KCNK2: variants seen among roughly 807,000 people sequenced by gnomAD.
The protein encoded by KCNK2 is potassium two pore domain channel subfamily K member 2, also known as potassium channel subfamily K member 2.
A neutral mutation model predicts 40.5 loss-of-function variants in KCNK2; 21 were observed. The ratio of observed to expected loss-of-function variants is 0.52; its 90% CI spans 0.37 to 0.75. The LOEUF (loss-of-function observed/expected upper bound fraction) is 0.75. Among genes scored for constraint, KCNK2 ranks in the 30% least tolerant of loss-of-function variants. KCNK2 has a pLI of 0.00. For missense variants in KCNK2, 399 were observed against 531.6 expected, an observed-to-expected ratio of 0.75 and a Z score of 2.45; for synonymous variants, 191 against 202.2, an observed-to-expected ratio of 0.94 and a Z score of 0.47.
intron 2 of KCNK2, among the ~76,000 whole-genome samples, chr1:215,118,978 C>T (rs761215880): frequency 2.0e-5 from 3 of 152,074 alleles, no homozygotes; most frequent in Non-Finnish European, 4.4e-5. Flanking sequence ...TTTTGATGAA[C>T]ATAAACATCT....
At chr1:215,150,197 C>A (rs1388405056) in intron 3 of KCNK2, among the ~76,000 whole-genome samples, 1 of 152,058 alleles carries the variant, frequency 6.6e-6, no homozygotes, top group Non-Finnish European at 1.5e-5. Context: ...CAAAATAATT[C>A]TTAGGCATGA....
chr1:215,042,453 A>G (rs1657603169), intron 1 of KCNK2, among the ~76,000 whole-genome samples: 1 of 152,160 alleles, frequency 6.6e-6, no homozygotes, highest in Non-Finnish European at 1.5e-5. Flanking sequence ...GTCAGTGATA[A>G]AGTCTGCCTG....
intron 6 of KCNK2, among the ~76,000 whole-genome samples, chr1:215,209,453 T>TTATATATTATACATAA (rs1665505535): frequency 8.4e-5 from 1 of 11,898 alleles, no homozygotes; most frequent in African/African-American, 3.2e-4. Flanking sequence ...ATAATATATA[T>TTATATATTATACATAA]TATATATTAT....
chr1:215,187,232 A>C (rs995205629), intron 5 of KCNK2, among the ~76,000 whole-genome samples: 2 of 152,158 alleles, frequency 1.3e-5, no homozygotes, highest in Non-Finnish European at 2.9e-5. Context: ...GGCTGCCCAA[A>C]TTGCTGGGAT....
At position 215,053,130 on chromosome 1, in the gene KCNK2, G is replaced by A. The variant is rs143192689; in HGVS notation, c.35-33238G>A. ...AAGTTCCAGGATATATGTGCAGGACGTGCAGGTTAGTTCAGCCATTTAACG... is the reference window on the plus strand; with the variant it reads ...AAGTTCCAGGATATATGTGCAGGACATGCAGGTTAGTTCAGCCATTTAACG... On this transcript the variant is annotated intron_variant, in intron 1 of 6. Coordinates refer to the KCNK2 transcript ENST00000391895. Among the ~76,000 whole-genome samples, 1,502 of 152,126 alleles carry A rather than the reference G, an allele frequency of 9.9e-3. 22 individuals are homozygous for A. Among genetic ancestry groups the A allele is most frequent in the African/African-American group, 0.033 (1,361 of 41,476 alleles).
Position 215,236,938 on chromosome 1 carries a change from A to G in KCNK2, c.*1793A>G, listed in dbSNP as rs1666922407. ...GTTAAAAGTACTTTTATAAAGTTAA[A>G]AAAAATCCAACCAAAATTTTAGAAA... On this transcript the variant is annotated 3_prime_UTR_variant, in exon 7 of 7. Transcript: ENST00000444842. 1 of 152,628 alleles carries G rather than the reference A, an allele frequency of 6.6e-6. No individual in the cohort carries two copies. The highest frequency in any genetic ancestry group is 2.1e-4 in the South Asian group (1 of 4,828). 9.5% of individuals were successfully genotyped at this position (152,628 alleles called of 1,614,324 possible).
chr1:215,130,150 G>C (rs1661603878), intron 3 of KCNK2, among the ~76,000 whole-genome samples: 1 of 152,140 alleles, frequency 6.6e-6, no homozygotes, highest in Non-Finnish European at 1.5e-5. Context: ...ACTCTGGGGA[G>C]GGAAGAATGG....
chr1:215,088,287 C>T (rs544515847), intron 2 of KCNK2, among the ~76,000 whole-genome samples: 166 of 152,092 alleles, frequency 1.1e-3, no homozygotes, highest in African/African-American at 3.9e-3. Flanking sequence ...AGGCAGGATG[C>T]GTTTTGAACT....
intron 3 of KCNK2, among the ~76,000 whole-genome samples, chr1:215,144,505 G>A (rs560338010): frequency 1.2e-4 from 18 of 152,166 alleles, no homozygotes; most frequent in African/African-American, 2.6e-4. Context: ...GGCACGGCTC[G>A]TTCCTTACAC....
At chr1:215,145,340 C>A (rs538868799) in intron 3 of KCNK2, among the ~76,000 whole-genome samples, 1 of 152,242 alleles carries the variant, frequency 6.6e-6, no homozygotes, top group South Asian at 2.1e-4. Context: ...GTGTAACTTT[C>A]TCAGTGACAG....
At chr1:215,202,248 G>A (rs1665110765) in intron 6 of KCNK2, among the ~76,000 whole-genome samples, 1 of 152,140 alleles carries the variant, frequency 6.6e-6, no homozygotes, top group Non-Finnish European at 1.5e-5. Flanking sequence ...TTTCCCACGG[G>A]GAGAGGGGTG....
intron 1 of KCNK2, among the ~76,000 whole-genome samples, chr1:215,042,849 A>G (rs761138953): frequency 6.6e-6 from 1 of 152,202 alleles, no homozygotes. Flanking sequence ...GTTTTAGCCT[A>G]ATTAACTTTT....
At chr1:215,034,231 T>A (rs1314404862) in intron 1 of KCNK2, among the ~76,000 whole-genome samples, 1 of 152,194 alleles carries the variant, frequency 6.6e-6, no homozygotes, top group African/African-American at 2.4e-5. Flanking sequence ...AAACTGGAAG[T>A]TCATGTTTTA....
chr1:215,233,298 A>T (rs559931850), intron 6 of KCNK2, among the ~76,000 whole-genome samples: 1 of 152,144 alleles, frequency 6.6e-6, no homozygotes, highest in African/African-American at 2.4e-5. Flanking sequence ...TTAAGACAGT[A>T]TAACTAGGAA....
At chr1:215,107,713 CAT>C (rs1281008590) in intron 2 of KCNK2, among the ~76,000 whole-genome samples, 1 of 151,878 alleles carries the variant, frequency 6.6e-6, no homozygotes, top group Non-Finnish European at 1.5e-5. Flanking sequence ...TCTATTGAGT[CAT>C]GTGTGTTCTA....
chr1:215,074,334 G>T (rs908378559), intron 1 of KCNK2, among the ~76,000 whole-genome samples: 19 of 152,290 alleles, frequency 1.2e-4, no homozygotes, highest in Non-Finnish European at 2.6e-4. Context: ...CATATATATA[G>T]GGTGAAGTCA....
chr1:215,083,464 T>G, intron 1 of KCNK2, 33 bp downstream of exon 1: 1 of 1,486,562 alleles, frequency 6.7e-7, no homozygotes, highest in Non-Finnish European at 9.4e-7. Flanking sequence ...CCCACCCCTC[T>G]GGCCGCACGC....
rs144733800 is a variant in KCNK2 at position 215,094,238 on chromosome 1, T to C, written c.357+7560T>C. On this transcript the variant is annotated intron_variant, in intron 2 of 6. Coordinates refer to ENST00000444842, the MANE Select transcript of KCNK2 (RefSeq NM_001017425.3). ...GTTTTGCTCTTCTCATAAAACTTTT[T>C]GTACCTAATTATAGATTTTAGGGAC... Among the ~76,000 whole-genome samples, 828 of 151,996 alleles carry C rather than the reference T, an allele frequency of 5.4e-3. 2 individuals carry two copies. The highest frequency in any genetic ancestry group is 8.6e-3 in the Non-Finnish European group (586 of 67,974).
At position 215,172,002 on chromosome 1, in the gene KCNK2, G is replaced by T; in HGVS notation, c.642G>T (p.Trp214Cys). 1 of 1,609,696 alleles carries T rather than the reference G, an allele frequency of 6.2e-7. No individual in the cohort carries two copies. The highest frequency in any genetic ancestry group is 8.5e-7 in the Non-Finnish European group (1 of 1,177,214). ...CCTTTCTGTCTCATCCCTAGAAGTGGAATGTTAGTCAGACCAAGATTCGCA... is the reference window on the plus strand; with the variant it reads ...CCTTTCTGTCTCATCCCTAGAAGTGTAATGTTAGTCAGACCAAGATTCGCA... ...IAKVEDTFIK[W>C]NVSQTKIRII... The change falls in exon 5 of 7, where the codon TGG becomes TGT. Residue 214 changes from tryptophan to cysteine, a missense_variant. Around this residue, in one of 3 missense-constraint regions of KCNK2, gnomAD observed 279 missense variants for 353.8 expected, o/e 0.79. Coordinates refer to ENST00000444842, the MANE Select transcript of KCNK2 (RefSeq NM_001017425.3).
Sources: gnomAD v4.1 joint callset for allele counts (sites outside exome capture counted in the v4.1 genomes callset) on GRCh38, gnomAD v4.1.1 for gene constraint, gnomAD v4.1.1 regional missense constraint, MANE v1.5 for transcripts, NCBI Gene and HGNC (gene_info 2026-07-23, HGNC 2026-07-21) for gene names.